Variants in CDK14 observed in about 807,000 individuals in gnomAD.
CDK14 encodes cyclin dependent kinase 14.
CDK14 carries 34 observed loss-of-function variants against 60.7 expected under a neutral mutation model. The ratio of observed to expected loss-of-function variants is 0.56; its 90% CI spans 0.43 to 0.75. CDK14 has a LOEUF of 0.75. Ranked by LOEUF, CDK14 falls within the 30% of genes least tolerant of loss-of-function variation. The pLI is 0.00. For missense variants in CDK14, 482 were observed against 564.1 expected (o/e 0.85, Z 1.47); for synonymous variants, 197 against 203.7 (o/e 0.97, Z 0.28).
At chr7:90,651,976 C>T (rs551144678) in intron 2 of CDK14, among the ~76,000 whole-genome samples, 13 of 152,264 alleles carry the variant, frequency 8.5e-5, no homozygotes, top group African/African-American at 3.1e-4. Flanking sequence ...TCCTGCTTGC[C>T]TGAGTGCCTG....
At chr7:90,779,530 C>T (rs1056577324) in intron 4 of CDK14, among the ~76,000 whole-genome samples, 5 of 152,146 alleles carry the variant, frequency 3.3e-5, no homozygotes, top group South Asian at 2.1e-4. Context: ...TTTTATATAG[C>T]GTGCTGAGAT....
chr7:90,659,900 T>C (rs895487199), intron 2 of CDK14, among the ~76,000 whole-genome samples: 13 of 149,710 alleles, frequency 8.7e-5, no homozygotes, highest in Non-Finnish European at 1.3e-4. Context: ...TGTGTGTGTG[T>C]GCACGCACGT....
chr7:90,901,500 A>G (rs1032586728), intron 7 of CDK14, among the ~76,000 whole-genome samples: 2 of 152,034 alleles, frequency 1.3e-5, no homozygotes, highest in Non-Finnish European at 2.9e-5. Context: ...AAATGTATTC[A>G]TCTATGGGGA....
chr7:90,893,571 A>T (rs892215226), intron 6 of CDK14, among the ~76,000 whole-genome samples: 1 of 152,190 alleles, frequency 6.6e-6, no homozygotes, highest in Non-Finnish European at 1.5e-5. Context: ...GTATTTCTGG[A>T]TAAGTGCAAA....
intron 6 of CDK14, 64 bp from the exon 7 acceptor site, chr7:90,899,226 GA>G: frequency 7.7e-7 from 1 of 1,300,198 alleles, no homozygotes. Flanking sequence ...TTTGAAGTAG[GA>G]AAATATTGAT....
At chr7:90,679,371 G>A (rs1801268265) in intron 2 of CDK14, among the ~76,000 whole-genome samples, 1 of 152,140 alleles carries the variant, frequency 6.6e-6, no homozygotes, top group African/African-American at 2.4e-5. Flanking sequence ...ATACTTTAAA[G>A]CTTATTTAAG....
intron 14 of CDK14, among the ~76,000 whole-genome samples, chr7:91,154,198 A>G (rs1800908390): frequency 6.6e-6 from 1 of 151,630 alleles, no homozygotes; most frequent in Non-Finnish European, 1.5e-5. Flanking sequence ...TTGGGGTTAT[A>G]CTTTACTTAA....
intron 8 of CDK14, among the ~76,000 whole-genome samples, chr7:90,945,277 T>G (rs1478713040): frequency 6.6e-6 from 1 of 152,198 alleles, no homozygotes; most frequent in East Asian, 1.9e-4. Flanking sequence ...GATTAAGCAT[T>G]TTTCATGCAT....
intron 11 of CDK14, among the ~76,000 whole-genome samples, chr7:91,050,274 A>G (rs1426668859): frequency 6.6e-6 from 1 of 152,156 alleles, no homozygotes; most frequent in Non-Finnish European, 1.5e-5. Flanking sequence ...ATTGGGGGCC[A>G]GAGAAGAAGC....
chr7:90,828,692 T>A (rs1219510676), intron 5 of CDK14, among the ~76,000 whole-genome samples: 7 of 152,142 alleles, frequency 4.6e-5, no homozygotes, highest in Admixed American at 4.6e-4. Flanking sequence ...CTTGTTGAAT[T>A]ACCCACTGAC....
chr7:91,103,129 T>G (rs954642893), intron 12 of CDK14, among the ~76,000 whole-genome samples: 11 of 152,042 alleles, frequency 7.2e-5, no homozygotes, highest in African/African-American at 2.4e-4. Context: ...GGTGTGCACC[T>G]GTAATCCCAG....
At position 90,672,013 on chromosome 7, in the gene CDK14, T is replaced by C. The variant is rs180825199; in HGVS notation, c.124-54554T>C. On this transcript the variant is annotated intron_variant, in intron 2 of 14. Coordinates refer to ENST00000380050, the MANE Select transcript of CDK14 (RefSeq NM_001287135.2). ...CTTCGCAGTAGTGAATGTAATTTAT[T>C]TGGGGGATGAATGAAGCAGGAAGAA... is the stretch of plus-strand genomic sequence containing the variant. Among the ~76,000 whole-genome samples the C allele has an allele frequency of 6.6e-3, 1,009 of 152,234 alleles. 16 individuals are homozygous for C. The highest frequency in any genetic ancestry group is 0.023 in the African/African-American group (976 of 41,544).
chr7:90,633,060 C>A (rs1173700903), intron 2 of CDK14, among the ~76,000 whole-genome samples: 1 of 149,580 alleles, frequency 6.7e-6, no homozygotes, highest in South Asian at 2.1e-4. Context: ...TGTGCTACTA[C>A]GCTCCAGCCT....
At chr7:90,933,180 A>C (rs1793647965) in intron 8 of CDK14, among the ~76,000 whole-genome samples, 1 of 151,834 alleles carries the variant, frequency 6.6e-6, no homozygotes, top group Non-Finnish European at 1.5e-5. Flanking sequence ...ACTCTACAAA[A>C]AATTAGCCAG....
At chr7:90,755,681 A>AT (rs986701300) in intron 4 of CDK14, among the ~76,000 whole-genome samples, 2 of 152,204 alleles carry the variant, frequency 1.3e-5, no homozygotes, top group African/African-American at 2.4e-5. Flanking sequence ...ATGATAAGGG[A>AT]TAAAAAACAA....
chr7:91,153,227 G>A (rs12667246), intron 14 of CDK14, among the ~76,000 whole-genome samples: 4,061 of 152,264 alleles, frequency 0.027, 87 homozygotes, highest in East Asian at 0.11. Context: ...CAAACAATAA[G>A]TATTTATAAT....
chr7:90,885,850 G>T (rs1453957231), intron 6 of CDK14, among the ~76,000 whole-genome samples: 2 of 152,182 alleles, frequency 1.3e-5, no homozygotes, highest in African/African-American at 4.8e-5. Flanking sequence ...TTATAAGTGG[G>T]AGTTGAACAT....
chr7:91,056,307 G>A (rs1010813093), intron 11 of CDK14, among the ~76,000 whole-genome samples: 1 of 151,726 alleles, frequency 6.6e-6, no homozygotes, highest in Non-Finnish European at 1.5e-5. Flanking sequence ...AGGGTAGGAT[G>A]AAGATTTTCT....
intron 11 of CDK14, among the ~76,000 whole-genome samples, chr7:91,072,735 A>G (rs1328292080): frequency 6.6e-6 from 1 of 152,142 alleles, no homozygotes; most frequent in Non-Finnish European, 1.5e-5. Context: ...TAAAAGGAGC[A>G]TGTACTAACT....
Sources: allele counts gnomAD v4.1 joint callset (sites outside exome capture counted in the v4.1 genomes callset), GRCh38; gene constraint gnomAD v4.1.1; transcripts MANE v1.5; gene names NCBI Gene and HGNC (gene_info 2026-07-23, HGNC 2026-07-21).